Variants in RAB3IP observed in about 807,000 individuals in gnomAD.
RAB3IP encodes RAB3A interacting protein.
In RAB3IP, 36 loss-of-function variants were observed where a neutral mutation model predicts 59.1. That is an observed-to-expected ratio of 0.61 (90% CI 0.47 to 0.80). The LOEUF (loss-of-function observed/expected upper bound fraction) is 0.80, where lower values mean the gene tolerates loss of function less well. RAB3IP is among the 30% of genes least tolerant of loss of function. The pLI is 0.00. For synonymous variants in RAB3IP, 207 were observed against 191.2 expected (o/e 1.08, Z -0.68); for missense variants, 511 against 536.0 (o/e 0.95, Z 0.46).
intron 3 of RAB3IP, among the ~76,000 whole-genome samples, chr12:69,778,411 A>C (rs1455186001): frequency 7.9e-6 from 1 of 125,996 alleles, no homozygotes; most frequent in Non-Finnish European, 1.7e-5. Flanking sequence ...TTCTTCTCTC[A>C]GCTCGTCAAA....
chr12:69,792,099 A>T (rs1012823173), intron 4 of RAB3IP, among the ~76,000 whole-genome samples: 9 of 152,214 alleles, frequency 5.9e-5, no homozygotes, highest in Admixed American at 5.9e-4. Flanking sequence ...TGTGGAATCT[A>T]AAATAGTCGA....
chr12:69,805,437 TG>T (rs1879096414), intron 8 of RAB3IP, among the ~76,000 whole-genome samples: 1 of 152,228 alleles, frequency 6.6e-6, no homozygotes, highest in East Asian at 1.9e-4. Flanking sequence ...TCATGTCATC[TG>T]CAAATTGGGA....
chr12:69,761,053 A>G (rs1191179904), intron 3 of RAB3IP, among the ~76,000 whole-genome samples: 10 of 152,114 alleles, frequency 6.6e-5, no homozygotes, highest in Non-Finnish European at 1.5e-5. Flanking sequence ...GCTTAAACTT[A>G]TCTCACAGCT....
Position 69,800,308 on chromosome 12 carries a change from T to C in RAB3IP, c.988T>C (p.Phe330Leu). The change falls in exon 7 of 11, where the codon TTT becomes CTT. Residue 330 changes from phenylalanine (F) to leucine (L), a missense_variant. By Grantham distance (22) the Phe-to-Leu change is conservative. Coordinates refer to ENST00000247833, the MANE Select transcript of RAB3IP (RefSeq NM_022456.5). ...AGACAAAATCTACCAGGAAGATATCTTTCCATGTTTAACATTCTCAAAAAG... is the reference window on the plus strand; with the variant it reads ...AGACAAAATCTACCAGGAAGATATCCTTCCATGTTTAACATTCTCAAAAAG... ...FLDKIYQEDIFPCLTFSKSEL... is the reference protein window; with the variant it reads ...FLDKIYQEDILPCLTFSKSEL... The C allele has an allele frequency of 6.3e-7, 1 of 1,588,826 alleles. No individual in the cohort carries two copies.
intron 8 of RAB3IP, among the ~76,000 whole-genome samples, chr12:69,804,026 G>C (rs1287462578): frequency 2.0e-5 from 3 of 152,112 alleles, no homozygotes; most frequent in Non-Finnish European, 2.9e-5. Flanking sequence ...TAATGGGATG[G>C]CTGGGTCAAA....
At chr12:69,763,529 A>G (rs931493420) in intron 3 of RAB3IP, among the ~76,000 whole-genome samples, 1 of 152,214 alleles carries the variant, frequency 6.6e-6, no homozygotes, top group East Asian at 1.9e-4. Context: ...CTTCAGCATC[A>G]TACAGGAAAA....
At chr12:69,749,334 C>T (rs1224058263) in intron 1 of RAB3IP, among the ~76,000 whole-genome samples, 1 of 152,250 alleles carries the variant, frequency 6.6e-6, no homozygotes, top group Non-Finnish European at 1.5e-5. Context: ...GGAACAGTTT[C>T]ATCCCGAAAC....
At chr12:69,740,020 G>A (rs927491006) in intron 1 of RAB3IP, 7 of 693,416 alleles carry the variant, frequency 1.0e-5, no homozygotes, top group Non-Finnish European at 1.8e-5. Context: ...CGGGTTAAAA[G>A]CCTTGTAATC....
chr12:69,812,579 T>C (rs553999561), intron 8 of RAB3IP, 199 bp from the exon 9 acceptor site: 3 of 525,222 alleles, frequency 5.7e-6, no homozygotes, highest in South Asian at 3.0e-5. Flanking sequence ...ATTAAACTTA[T>C]ACTACTAATA....
chr12:69,769,130 G>A (rs1236938337), intron 3 of RAB3IP, among the ~76,000 whole-genome samples: 1 of 152,112 alleles, frequency 6.6e-6, no homozygotes, highest in East Asian at 1.9e-4. Context: ...CTTCTGCCGT[G>A]ATTGTAAGCC....
chr12:69,804,486 G>C lies in RAB3IP; in HGVS notation c.1130+2765G>C, dbSNP rs1054393437. Among the ~76,000 whole-genome samples, 55 of 152,160 alleles carry C rather than the reference G, an allele frequency of 3.6e-4. 1 individual carries two copies. Among genetic ancestry groups the C allele is most frequent in the African/African-American group, 1.3e-3 (53 of 41,426 alleles). The stretch of plus-strand genomic sequence containing the variant: ...TGGTGGTTTCTTTTGTTGTGCAGAA[G>C]CTCTTTAGTTTAATTAGATCCCATT... On this transcript the variant is annotated intron_variant, in intron 8 of 10. Transcript: ENST00000247833.
At chr12:69,746,946 CCTTTT>C (rs1868405873) in intron 1 of RAB3IP, among the ~76,000 whole-genome samples, 2 of 152,118 alleles carry the variant, frequency 1.3e-5, no homozygotes, top group South Asian at 4.1e-4. Context: ...TAATCTTAAA[CCTTTT>C]CTTTTGACAT....
intron 1 of RAB3IP, among the ~76,000 whole-genome samples, chr12:69,753,600 C>A (rs1014220828): frequency 6.6e-6 from 1 of 152,082 alleles, no homozygotes; most frequent in Non-Finnish European, 1.5e-5. Context: ...CCACCCGCCT[C>A]GGCCTCCCAA....
intron 8 of RAB3IP, among the ~76,000 whole-genome samples, chr12:69,810,691 T>TG (rs1474524217): frequency 1.1e-5 from 1 of 91,276 alleles, no homozygotes; most frequent in Non-Finnish European, 2.2e-5. Flanking sequence ...TAGATTGGGG[T>TG]GGGGGGATGG....
intron 3 of RAB3IP, among the ~76,000 whole-genome samples, chr12:69,781,676 C>T (rs1874740453): frequency 6.6e-6 from 1 of 152,016 alleles, no homozygotes; most frequent in African/African-American, 2.4e-5. Flanking sequence ...TGCATTTAAT[C>T]TTCTTTTATG....
intron 4 of RAB3IP, among the ~76,000 whole-genome samples, chr12:69,792,985 T>G (rs185100595): frequency 6.6e-6 from 1 of 152,326 alleles, no homozygotes; most frequent in Admixed American, 6.5e-5. Context: ...ACTTTTTCAT[T>G]TAAAGTTAAA....
intron 3 of RAB3IP, among the ~76,000 whole-genome samples, chr12:69,773,111 T>G (rs1281309107): frequency 6.6e-6 from 1 of 152,160 alleles, no homozygotes; most frequent in Non-Finnish European, 1.5e-5. Flanking sequence ...TCTGAATATA[T>G]TCTCCTACTT....
At chr12:69,752,194 A>C (rs185658600) in intron 1 of RAB3IP, among the ~76,000 whole-genome samples, 2 of 151,518 alleles carry the variant, frequency 1.3e-5, no homozygotes, top group Admixed American at 1.3e-4. Context: ...TGTAGAGACA[A>C]GATCTCACTA....
Position 69,795,560 on chromosome 12 carries a change from G to A in RAB3IP, c.888+216G>A, listed in dbSNP as rs1592580429. 11 of 591,760 alleles carry A rather than the reference G, an allele frequency of 1.9e-5. No homozygotes were observed. The East Asian group carries it at 2.8e-4, about 15-fold the overall frequency. 36.7% of individuals were successfully genotyped at this position (591,760 alleles called of 1,614,324 possible). ...GGAGTACCTGCTGGAAACTTGGTAA[G>A]TTTCTTAATCTCAGTATTTCATTAA... On this transcript the variant is annotated intron_variant, in intron 6 of 10. Transcript: ENST00000247833.
Sources: gnomAD v4.1 joint callset for allele counts (sites outside exome capture counted in the v4.1 genomes callset) on GRCh38, gnomAD v4.1.1 for gene constraint, MANE v1.5 for transcripts, NCBI Gene and HGNC (gene_info 2026-07-23, HGNC 2026-07-21) for gene names.